SPATA6L: variants seen among roughly 807,000 people sequenced by gnomAD.
SPATA6L encodes spermatogenesis associated 6 like, also known as spermatogenesis associated 6-like protein.
Under a neutral mutation model 49.2 loss-of-function variants are expected in SPATA6L, and 68 were observed. The ratio of observed to expected loss-of-function variants is 1.38; its 90% CI spans 1.14 to 1.69. The LOEUF (loss-of-function observed/expected upper bound fraction) is 1.69, where lower values mean the gene tolerates loss of function less well. Ranked by LOEUF, SPATA6L falls within the 40% of genes most tolerant of loss-of-function variation. The probability of loss-of-function intolerance (pLI) is 0.00; values close to 1 mark genes in which losing one functional copy is unlikely to be tolerated. For synonymous variants in SPATA6L, 198 were observed against 165.7 expected, an observed-to-expected ratio of 1.19 and a Z score of -1.50; for missense variants, 668 against 464.3, an observed-to-expected ratio of 1.44 and a Z score of -4.03.
chr9:4,643,811 C>T (rs1266874665), intron 3 of SPATA6L, among the ~76,000 whole-genome samples: 6 of 152,124 alleles, frequency 3.9e-5, no homozygotes, highest in Non-Finnish European at 7.4e-5. Flanking sequence ...TCGACACCAG[C>T]CTGGCCAACT....
At chr9:4,613,358 G>A (rs987838373) in intron 9 of SPATA6L, among the ~76,000 whole-genome samples, 18 of 152,038 alleles carry the variant, frequency 1.2e-4, no homozygotes, top group African/African-American at 4.3e-4. Context: ...ACCTCCCTGT[G>A]CAGTTGCCCC....
rs767909202 is a variant in SPATA6L, at chr9:4,622,518, T to G, written c.670-8A>C. 2 of 1,587,662 alleles carry G rather than the reference T, an allele frequency of 1.3e-6. No homozygotes were observed. Among genetic ancestry groups the G allele is most frequent in the African/African-American group, 2.7e-5 (2 of 74,264 alleles). ...GGGCTTTGCACTGTCCACCTGAAAG[T>G]AAAGGAAAGAAATAAGACTAGAATC... On this transcript the variant is annotated splice_region_variant and splice_polypyrimidine_tract_variant and intron_variant, in intron 6 of 11. Transcript: ENST00000682582.
intron 5 of SPATA6L, chr9:4,627,812 T>C: frequency 7.8e-7 from 1 of 1,289,294 alleles, no homozygotes; most frequent in Non-Finnish European, 1.0e-6. Flanking sequence ...GGTGGCCCCA[T>C]GTTTACTGCA....
At chr9:4,638,484 A>T (rs1308766969) in intron 3 of SPATA6L, among the ~76,000 whole-genome samples, 1 of 152,166 alleles carries the variant, frequency 6.6e-6, no homozygotes, top group Non-Finnish European at 1.5e-5. Context: ...AAGTGCTGGG[A>T]TTACAGGTGT....
chr9:4,666,203 A>T lies in SPATA6L; in HGVS notation c.39+9T>A. 6.2e-7 allele frequency: 1 copy of T among 1,614,042 alleles called. No individual in the cohort carries two copies. Among genetic ancestry groups the T allele is most frequent in the Non-Finnish European group, 8.5e-7 (1 of 1,179,978 alleles). On this transcript the variant is annotated intron_variant, in intron 1 of 11. Transcript: ENST00000682582. ...GAGGTTAAGGAGGGGGAGTTCATCG[A>T]TCTCTTACCGCCCGGATCTGCAGCT...
At chr9:4,641,033 C>A (rs186958928) in intron 3 of SPATA6L, among the ~76,000 whole-genome samples, 5 of 152,228 alleles carry the variant, frequency 3.3e-5, no homozygotes, top group Admixed American at 2.6e-4. Flanking sequence ...AAGCAAGTTG[C>A]AGAATATATA....
chr9:4,649,482 A>G (rs902558347), intron 3 of SPATA6L, among the ~76,000 whole-genome samples: 1 of 152,230 alleles, frequency 6.6e-6, no homozygotes. Context: ...TGCAATGGCT[A>G]TCCTCATTTT....
intron 6 of SPATA6L, 93 bp downstream of exon 6, chr9:4,625,234 T>C: frequency 6.7e-7 from 1 of 1,487,106 alleles, no homozygotes; most frequent in Non-Finnish European, 8.9e-7. Flanking sequence ...TTGAATATTA[T>C]TCATTTGTTG....
chr9:4,592,542 C>T (rs536579574), intron 13 of SPATA6L, among the ~76,000 whole-genome samples: 4 of 152,272 alleles, frequency 2.6e-5, no homozygotes, highest in South Asian at 4.1e-4. Context: ...ACAAATAGAT[C>T]GCTCAGCCAT....
At chr9:4,657,539 T>TAA (rs942092336) in intron 2 of SPATA6L, among the ~76,000 whole-genome samples, 1 of 146,112 alleles carries the variant, frequency 6.8e-6, no homozygotes, top group African/African-American at 2.5e-5. Flanking sequence ...AACTGTTTTT[T>TAA]AAAAAAAAAA....
At chr9:4,630,654 T>C (rs1187444104) in intron 4 of SPATA6L, among the ~76,000 whole-genome samples, 2 of 152,244 alleles carry the variant, frequency 1.3e-5, no homozygotes, top group African/African-American at 4.8e-5. Context: ...TTCATTTTCA[T>C]TTATACCACT....
chr9:4,597,517 A>G (rs1297492351), downstream of SPATA6L, among the ~76,000 whole-genome samples: 1 of 152,218 alleles, frequency 6.6e-6, no homozygotes, highest in Non-Finnish European at 1.5e-5. Flanking sequence ...CATCTGCACC[A>G]TGTAAAAGCT....
At position 4,644,183 on chromosome 9, in the gene SPATA6L, CAAAAAAAAAAAAAAAAA is replaced by C. The variant is rs58325546; in HGVS notation, c.227-8801_227-8785del. ...GCAACATAGTAAGATGCCATCTCTG[CAAAAAAAAAAAAAAAAA>C]AAAAAAAAAAAAAAAAAAATGTAGC... On this transcript the variant is annotated intron_variant, in intron 3 of 11. Coordinates refer to ENST00000682582, the MANE Select transcript of SPATA6L (RefSeq NM_001353486.2). Among the ~76,000 whole-genome samples the C allele has an allele frequency of 5.1e-3, 231 of 45,718 alleles. 2 individuals are homozygous for C. Among genetic ancestry groups the C allele is most frequent in the South Asian group, 8.7e-3 (6 of 688 alleles). The allele number at this position is 45,718 out of a possible 152,430, so 30.0% of individuals were successfully genotyped here. A position where few individuals can be genotyped will look rare whatever the true frequency, so the allele number is the denominator to read the frequency against.
At chr9:4,610,005 GACAA>G (rs1439785275) in intron 9 of SPATA6L, among the ~76,000 whole-genome samples, 6 of 151,646 alleles carry the variant, frequency 4.0e-5, no homozygotes, top group Non-Finnish European at 8.8e-5. Flanking sequence ...ACCAACAACA[GACAA>G]ACAGAGAGCC....
intron 7 of SPATA6L, among the ~76,000 whole-genome samples, chr9:4,620,668 G>A (rs997039279): frequency 1.3e-5 from 2 of 152,076 alleles, no homozygotes; most frequent in East Asian, 3.9e-4. Flanking sequence ...TCTAAATGTA[G>A]GTATGCCAAA....
At chr9:4,595,123 G>A (rs1216600424), downstream of SPATA6L, among the ~76,000 whole-genome samples, 1 of 152,114 alleles carries the variant, frequency 6.6e-6, no homozygotes, top group African/African-American at 2.4e-5. Context: ...TTTCTGCAGG[G>A]CAATTATTCT....
intron 6 of SPATA6L, 133 bp downstream of exon 6, chr9:4,625,194 A>C: frequency 7.1e-7 from 1 of 1,411,626 alleles, no homozygotes; most frequent in Non-Finnish European, 9.3e-7. Context: ...ATTTAATCAC[A>C]ATTATTATTC....
intron 3 of SPATA6L, among the ~76,000 whole-genome samples, chr9:4,647,390 G>A (rs1483526026): frequency 3.9e-5 from 6 of 152,164 alleles, no homozygotes; most frequent in African/African-American, 9.6e-5. Flanking sequence ...TCAGGAGTTC[G>A]AGACCAGCCT....
intron 10 of SPATA6L, among the ~76,000 whole-genome samples, chr9:4,604,953 T>TTAC (rs1824359790): frequency 6.6e-6 from 1 of 152,214 alleles, no homozygotes; most frequent in Admixed American, 6.5e-5. Context: ...TGTTGTGGCC[T>TTAC]TACATAGCTC....
Sources: allele counts gnomAD v4.1 joint callset (sites outside exome capture counted in the v4.1 genomes callset), GRCh38; gene constraint gnomAD v4.1.1; transcripts MANE v1.5; gene names NCBI Gene and HGNC (gene_info 2026-07-23, HGNC 2026-07-21).